The following ESRRG variants were observed in gnomAD, a reference collection of about 807,000 sequenced individuals.
ESRRG encodes the protein estrogen-related receptor gamma.
In ESRRG, 13 loss-of-function variants were observed where a neutral mutation model predicts 44.0. The observed-to-expected ratio is 0.30, with a 90% CI of 0.19 to 0.47. The LOEUF (loss-of-function observed/expected upper bound fraction) is 0.47, where lower values mean the gene tolerates loss of function less well. Among genes scored for constraint, ESRRG ranks in the 20% least tolerant of loss-of-function variants. The pLI, the probability that ESRRG is intolerant of heterozygous loss-of-function variation, is 1.00. For synonymous variants in ESRRG, 215 were observed against 214.6 expected, an observed-to-expected ratio of 1.00 and a Z score of -0.02; for missense variants, 395 against 580.6, an observed-to-expected ratio of 0.68 and a Z score of 3.29.
At chr1:216,577,387 C>T (rs2061873495) in intron 3 of ESRRG, among the ~76,000 whole-genome samples, 1 of 151,950 alleles carries the variant, frequency 6.6e-6, no homozygotes. Flanking sequence ...TTCTCTTTAT[C>T]CTTTTCAAAA....
intron 1 of ESRRG, among the ~76,000 whole-genome samples, chr1:217,126,537 G>A (rs1257106640): frequency 1.3e-5 from 2 of 152,010 alleles, no homozygotes; most frequent in African/African-American, 4.8e-5. Context: ...ATCATGGTGA[G>A]GGTCAAGCTA....
intron 2 of ESRRG, among the ~76,000 whole-genome samples, chr1:216,848,585 A>G (rs182058339): frequency 4.1e-4 from 62 of 152,252 alleles, no homozygotes; most frequent in Non-Finnish European, 2.5e-4. Context: ...ATTGCGCAGC[A>G]TGTTGCTATG....
chr1:216,662,900 G>A (rs911767702), intron 2 of ESRRG, among the ~76,000 whole-genome samples: 3 of 152,174 alleles, frequency 2.0e-5, no homozygotes, highest in Non-Finnish European at 4.4e-5. Context: ...TTAGCAAAAT[G>A]GATTTGGCCC....
chr1:216,736,185 T>G (rs1015520910), intron 2 of ESRRG, among the ~76,000 whole-genome samples: 1 of 130,484 alleles, frequency 7.7e-6, no homozygotes, highest in Non-Finnish European at 1.6e-5. Flanking sequence ...TATTTTTTTT[T>G]TTTTTTTTTT....
At chr1:216,685,957 T>C (rs2077864887) in intron 1 of ESRRG, 1 of 152,206 alleles carries the variant, frequency 6.6e-6, no homozygotes, top group Non-Finnish European at 1.5e-5. Flanking sequence ...TAGGAAATCA[T>C]TGTTGAAATA....
At chr1:216,624,991 C>T (rs12408241) in intron 3 of ESRRG, among the ~76,000 whole-genome samples, 25,188 of 151,910 alleles carry the variant, frequency 0.17, 2,807 homozygotes, top group African/African-American at 0.31. Context: ...ACGTTGTTCC[C>T]CTCATTGAAC....
chr1:216,912,394 C>T (rs2060586320), intron 2 of ESRRG, among the ~76,000 whole-genome samples: 1 of 151,680 alleles, frequency 6.6e-6, no homozygotes. Flanking sequence ...GAAAAAAGGA[C>T]ATTAATTTCC....
intron 6 of ESRRG, among the ~76,000 whole-genome samples, chr1:216,508,018 T>C (rs1411575492): frequency 6.6e-6 from 1 of 152,232 alleles, no homozygotes; most frequent in Admixed American, 6.5e-5. Context: ...GTTTGAATCA[T>C]TTAGCACGTT....
At chr1:216,547,945 A>T (rs1471875454) in intron 5 of ESRRG, among the ~76,000 whole-genome samples, 1 of 152,128 alleles carries the variant, frequency 6.6e-6, no homozygotes, top group Non-Finnish European at 1.5e-5. Context: ...GGCATGAGCT[A>T]TATGGCTTTC....
At chr1:216,873,457 C>T (rs577693824) in intron 2 of ESRRG, among the ~76,000 whole-genome samples, 2 of 152,144 alleles carry the variant, frequency 1.3e-5, no homozygotes, top group African/African-American at 4.8e-5. Flanking sequence ...GGTGATCCAC[C>T]TGCCTCAGTC....
chr1:216,679,666 T>TG (rs2076710871), intron 1 of ESRRG, among the ~76,000 whole-genome samples: 1 of 151,236 alleles, frequency 6.6e-6, no homozygotes, highest in Non-Finnish European at 1.5e-5. Flanking sequence ...GAGAGTTGCT[T>TG]GGGGCTGCTT....
Position 216,751,004 on chromosome 1 carries a change from T to C in ESRRG, c.-13-73513A>G, listed in dbSNP as rs529652444. The stretch of plus-strand genomic sequence containing the variant: ...AAGAACATAAAATTCCATTTAGCAC[T>C]GCTACCCGCTCTCATCATCTACCCT... On this transcript the variant is annotated intron_variant, in intron 2 of 7. Coordinates refer to the ESRRG transcript ENST00000359162. Among the ~76,000 whole-genome samples the C allele has an allele frequency of 7.2e-5, 11 of 152,298 alleles. No individual in the cohort carries two copies. In the East Asian group the frequency reaches 1.9e-3, roughly 27 times the overall value.
intron 1 of ESRRG, among the ~76,000 whole-genome samples, chr1:216,997,992 T>A (rs1360823847): frequency 6.6e-6 from 1 of 152,224 alleles, no homozygotes; most frequent in African/African-American, 2.4e-5. Context: ...CTTCCCTTTT[T>A]TAACTGTGAA....
intron 2 of ESRRG, among the ~76,000 whole-genome samples, chr1:216,913,144 C>G (rs1467656835): frequency 7.3e-6 from 1 of 136,626 alleles, no homozygotes; most frequent in African/African-American, 2.7e-5. Flanking sequence ...GAAAGAAAGA[C>G]AGAAAAACGA....
At chr1:216,681,449 C>G (rs536818300) in intron 1 of ESRRG, among the ~76,000 whole-genome samples, 8 of 152,214 alleles carry the variant, frequency 5.3e-5, no homozygotes, top group South Asian at 4.1e-4. Context: ...CCTGCTCCCC[C>G]CACCCGACAA....
rs183778088 is a variant in ESRRG at position 216,678,347 on chromosome 1, A to G, written c.57-856T>C. ...CATTTGAGCCTTCAGTATACCTGTA[A>G]GTCCACAAATCTGATATTATATGTA... On this transcript the variant is annotated intron_variant, in intron 1 of 6. Coordinates refer to ENST00000408911, the MANE Select transcript of ESRRG (RefSeq NM_001438.4). Among the ~76,000 whole-genome samples, 685 of 152,354 alleles carry G rather than the reference A, an allele frequency of 4.5e-3. 3 individuals are homozygous for G. Among genetic ancestry groups the G allele is most frequent in the Non-Finnish European group, 7.3e-3 (494 of 68,038 alleles).
intron 2 of ESRRG, among the ~76,000 whole-genome samples, chr1:216,787,563 C>G (rs1171054946): frequency 7.2e-6 from 1 of 138,060 alleles, no homozygotes; most frequent in African/African-American, 2.7e-5. Context: ...GATGATACTA[C>G]TGCACTCCAG....
At chr1:217,065,316 A>C (rs2089444396) in intron 1 of ESRRG, among the ~76,000 whole-genome samples, 1 of 152,242 alleles carries the variant, frequency 6.6e-6, no homozygotes, top group Non-Finnish European at 1.5e-5. Context: ...GTGTGAAAAC[A>C]GCAAATCTAG....
In ESRRG at chr1:216,645,690, A is replaced by G. The variant is rs114497999; in HGVS notation, c.589+5283T>C. ...TGTTTGAGAACAGCCTGAGTAACAT[A>G]GTGAGATGCCATTTCTAAGGAAAAA... is the stretch of plus-strand genomic sequence containing the variant. On this transcript the variant is annotated intron_variant, in intron 3 of 6. Transcript: ENST00000408911. 8.7e-3 allele frequency among the ~76,000 whole-genome samples: 1,324 copies of G among 152,024 alleles called. 24 individuals carry two copies. The highest frequency in any genetic ancestry group is 0.03 in the African/African-American group (1,261 of 41,470).
Sources: gnomAD v4.1 joint callset for allele counts (sites outside exome capture counted in the v4.1 genomes callset) on GRCh38, gnomAD v4.1.1 for gene constraint, MANE v1.5 for transcripts, NCBI Gene and HGNC (gene_info 2026-07-23, HGNC 2026-07-21) for gene names.